The following SPDYE12 variants were observed in gnomAD, a reference collection of about 807,000 sequenced individuals.
The protein encoded by SPDYE12 is speedy/RINGO cell cycle regulator family member E12, also known as speedy protein E12.
the SPDYE12 span, among the ~76,000 whole-genome samples, chr7:74,908,043 T>C: frequency 0.62 from 90,086 of 146,392 alleles, 29,528 homozygotes; most frequent in East Asian, 0.92. Flanking sequence ...CACGTTATAA[T>C]AGGATGTAAC....
the SPDYE12 span, among the ~76,000 whole-genome samples, chr7:74,904,748 C>T: frequency 6.7e-6 from 1 of 149,942 alleles, no homozygotes; most frequent in Non-Finnish European, 1.5e-5. Flanking sequence ...TTCAAAAATA[C>T]CAGTATTTCC....
the SPDYE12 span, among the ~76,000 whole-genome samples, chr7:74,910,080 CAAAG>C: frequency 6.7e-6 from 1 of 148,442 alleles, no homozygotes; most frequent in Non-Finnish European, 1.5e-5. Flanking sequence ...CATAAAAAGA[CAAAG>C]AATAGCCGGG....
At chr7:74,910,733 A>T in the SPDYE12 span, 11 of 1,414,428 alleles carry the variant, frequency 7.8e-6, 1 homozygote, top group Non-Finnish European at 7.9e-6. Context: ...CTGTAGGAGC[A>T]TCTGGTGGGA....
At chr7:74,907,491 G>A in the SPDYE12 span, among the ~76,000 whole-genome samples, 1 of 151,280 alleles carries the variant, frequency 6.6e-6, no homozygotes, top group South Asian at 2.1e-4. Context: ...CAGCGCTTTG[G>A]AAGGCTGAAG....
At chr7:74,909,032 GGT>G in the SPDYE12 span, among the ~76,000 whole-genome samples, 8,114 of 30,234 alleles carry the variant, frequency 0.27, 767 homozygotes, top group Non-Finnish European at 0.35. Flanking sequence ...TTTTTTGCCT[GGT>G]TTTTTTTTTT....
the SPDYE12 span, among the ~76,000 whole-genome samples, chr7:74,912,826 C>T: frequency 3.1e-4 from 29 of 93,516 alleles, no homozygotes; most frequent in Non-Finnish European, 2.3e-4. Flanking sequence ...TAGCATCTCA[C>T]GCTGTCACCC....
chr7:74,907,765 A>G, the SPDYE12 span, among the ~76,000 whole-genome samples: 3 of 140,348 alleles, frequency 2.1e-5, no homozygotes, highest in East Asian at 5.8e-4. Context: ...AAATAAATAA[A>G]TAAATAACTG....
At chr7:74,908,543 G>A in the SPDYE12 span, among the ~76,000 whole-genome samples, 1 of 133,140 alleles carries the variant, frequency 7.5e-6, no homozygotes, top group East Asian at 2.2e-4. Flanking sequence ...GTTGATGTGG[G>A]AAGGAGAGAG....
At chr7:74,910,833 T>A in the SPDYE12 span, 2 of 1,158,698 alleles carry the variant, frequency 1.7e-6, 1 homozygote, top group South Asian at 2.4e-5. Flanking sequence ...GAGAACAACC[T>A]TACCTTGTCC....
the SPDYE12 span, among the ~76,000 whole-genome samples, chr7:74,907,703 C>G: frequency 3.4e-4 from 51 of 149,340 alleles, no homozygotes; most frequent in African/African-American, 1.2e-3. Flanking sequence ...TCCATTCCAG[C>G]CTGAGAGACA....
At chr7:74,909,772 G>A in the SPDYE12 span, among the ~76,000 whole-genome samples, 4 of 151,070 alleles carry the variant, frequency 2.6e-5, 1 homozygote, top group South Asian at 2.1e-4. Flanking sequence ...AGGGGTATTC[G>A]AAGGTCGGAT....
At chr7:74,909,033 G>GGTTT in the SPDYE12 span, among the ~76,000 whole-genome samples, 2 of 32,002 alleles carry the variant, frequency 6.2e-5, no homozygotes, top group Non-Finnish European at 1.8e-4. Context: ...TTTTTGCCTG[G>GGTTT]TTTTTTTTTT....
chr7:74,907,688 G>A, the SPDYE12 span, among the ~76,000 whole-genome samples: 1 of 149,966 alleles, frequency 6.7e-6, no homozygotes, highest in Non-Finnish European at 1.5e-5. Flanking sequence ...CCAAGATTGG[G>A]CCCCTCCATT....
chr7:74,910,614 A>G, the SPDYE12 span, among the ~76,000 whole-genome samples: 15 of 151,126 alleles, frequency 9.9e-5, no homozygotes, highest in East Asian at 2.7e-3. Context: ...GCTTGAACCC[A>G]GGAGGCATCA....
At chr7:74,908,134 G>C in the SPDYE12 span, among the ~76,000 whole-genome samples, 4 of 144,264 alleles carry the variant, frequency 2.8e-5, no homozygotes, top group Non-Finnish European at 4.6e-5. Flanking sequence ...TTCAAGGAAT[G>C]GGTCCTTCCC....
the SPDYE12 span, chr7:74,909,649 T>G: frequency 2.0e-6 from 3 of 1,524,118 alleles, 1 homozygote; most frequent in Non-Finnish European, 2.7e-6. Context: ...AGGTCACATC[T>G]TGGGAGAGGA....
chr7:74,909,004 C>T, the SPDYE12 span, among the ~76,000 whole-genome samples: 4 of 137,700 alleles, frequency 2.9e-5, 1 homozygote, highest in Non-Finnish European at 6.3e-5. Context: ...TATTTGTACA[C>T]TGGCATTGGA....
chr7:74,909,537 T>C, the SPDYE12 span: 2 of 1,576,668 alleles, frequency 1.3e-6, no homozygotes, highest in East Asian at 2.2e-5. Context: ...CAGGAAGAAA[T>C]GAATGCGTTG....
chr7:74,909,038 T>G, the SPDYE12 span, among the ~76,000 whole-genome samples: 5 of 145,526 alleles, frequency 3.4e-5, no homozygotes, highest in African/African-American at 1.3e-4. Context: ...GCCTGGTTTT[T>G]TTTTTTTTTT....
Sources: allele counts gnomAD v4.1 joint callset (sites outside exome capture counted in the v4.1 genomes callset), GRCh38; gene constraint gnomAD v4.1.1; transcripts MANE v1.5; gene names NCBI Gene and HGNC (gene_info 2026-07-23, HGNC 2026-07-21).